TRIP12: variants seen among roughly 807,000 people sequenced by gnomAD.
The protein encoded by TRIP12 is E3 ubiquitin-protein ligase TRIP12.
In TRIP12, 25 loss-of-function variants were observed where a neutral mutation model predicts 244.2. The observed-to-expected ratio is 0.10, with a 90% CI of 0.07 to 0.14. The LOEUF (loss-of-function observed/expected upper bound fraction) is 0.14. Among genes scored for constraint, TRIP12 ranks in the 10% least tolerant of loss-of-function variants. The pLI is 1.00. For missense variants in TRIP12, 1,677 were observed against 2,486.4 expected (o/e 0.67, Z 6.92); for synonymous variants, 905 against 873.1 (o/e 1.04, Z -0.64).
chr2:229,814,034 A>G lies in TRIP12; in HGVS notation c.1825-3T>C, dbSNP rs1196229634. On this transcript the variant is annotated splice_region_variant and splice_polypyrimidine_tract_variant and intron_variant, in intron 12 of 41. Coordinates refer to ENST00000675903, the MANE Select transcript of TRIP12 (RefSeq NM_001348323.3). ...AGCAAGCAGTCTGCCAAACCACCCTAAAATATAGAAAACTGTTAAGGTAAA... is the reference window on the plus strand; with the variant it reads ...AGCAAGCAGTCTGCCAAACCACCCTGAAATATAGAAAACTGTTAAGGTAAA... The G allele has an allele frequency of 6.4e-7, 1 of 1,568,470 alleles. No homozygotes were observed. Among genetic ancestry groups the G allele is most frequent in the Non-Finnish European group, 8.7e-7 (1 of 1,147,548 alleles).
intron 34 of TRIP12, 146 bp downstream of exon 34, chr2:229,785,611 G>GGA (rs1216246702): frequency 4.6e-6 from 3 of 655,790 alleles, no homozygotes; most frequent in Non-Finnish European, 7.0e-6. Flanking sequence ...TTTGAAAAAT[G>GGA]GAGAACTTAG....
chr2:229,803,826 C>T (rs1402096578), intron 19 of TRIP12, 137 bp from the exon 20 acceptor site: 2 of 861,552 alleles, frequency 2.3e-6, no homozygotes, highest in Non-Finnish European at 3.5e-6. Context: ...CTTAAATGCT[C>T]AAGTTTTATA....
intron 4 of TRIP12, 117 bp downstream of exon 4, chr2:229,858,655 C>T (rs1475106915): frequency 8.2e-6 from 7 of 851,564 alleles, no homozygotes; most frequent in African/African-American, 1.7e-5. Context: ...GACAGTAATA[C>T]ATCTAAGATT....
At chr2:229,916,686 T>C (rs879722257) in intron 1 of TRIP12, among the ~76,000 whole-genome samples, 12 of 152,080 alleles carry the variant, frequency 7.9e-5, no homozygotes, top group Non-Finnish European at 1.5e-4. Flanking sequence ...ATGAAATCAC[T>C]GAAATCACAA....
At chr2:229,911,742 G>A (rs1000977683) in intron 1 of TRIP12, among the ~76,000 whole-genome samples, 2 of 151,830 alleles carry the variant, frequency 1.3e-5, no homozygotes, top group Non-Finnish European at 2.9e-5. Flanking sequence ...ACAATTAAAG[G>A]GGTAACAACT....
At chr2:229,917,273 C>T (rs1001351167) in intron 1 of TRIP12, among the ~76,000 whole-genome samples, 2 of 150,588 alleles carry the variant, frequency 1.3e-5, no homozygotes, top group Admixed American at 6.6e-5. Context: ...CCCAGCTACT[C>T]GGGAGGCTGA....
chr2:229,870,390 T>C (rs1181383410), intron 2 of TRIP12, among the ~76,000 whole-genome samples: 1 of 152,100 alleles, frequency 6.6e-6, no homozygotes, highest in Non-Finnish European at 1.5e-5. Context: ...GGACATGACA[T>C]GGTAGCAAGA....
chr2:229,859,420 A>G lies in TRIP12; in HGVS notation c.379T>C (p.Ser127Pro), dbSNP rs1413264148. 1.2e-6 allele frequency: 2 copies of G among 1,614,000 alleles called. No individual in the cohort carries two copies. The highest frequency in any genetic ancestry group is 1.7e-6 in the Non-Finnish European group (2 of 1,179,994). ...TTTGGTTTTTTTGCAGAGCTAGGAGAATTGGTCCTGTTGTAGTCTGGACTA... is the reference window on the plus strand; with the variant it reads ...TTTGGTTTTTTTGCAGAGCTAGGAGGATTGGTCCTGTTGTAGTCTGGACTA... ...SASPDYNRTN[S>P]PSSAKKPKAL... The change falls in exon 4 of 42, where the codon TCT (serine) becomes CCT (proline). Residue 127 changes from serine (S) to proline (P), a missense_variant. By Grantham distance (74) the Ser-to-Pro change is moderately conservative. Coordinates refer to ENST00000675903, the MANE Select transcript of TRIP12 (RefSeq NM_001348323.3).
At chr2:229,879,238 G>A (rs2064314175) in intron 2 of TRIP12, among the ~76,000 whole-genome samples, 1 of 152,118 alleles carries the variant, frequency 6.6e-6, no homozygotes, top group African/African-American at 2.4e-5. Context: ...GTAACAGAGC[G>A]ATGAGACTCT....
At chr2:229,810,588 T>A (rs2047023256) in intron 15 of TRIP12, among the ~76,000 whole-genome samples, 1 of 152,158 alleles carries the variant, frequency 6.6e-6, no homozygotes, top group South Asian at 2.1e-4. Context: ...AAACTCAGAA[T>A]TCTCCTAATC....
chr2:229,918,162 G>T (rs1320917043), intron 1 of TRIP12, among the ~76,000 whole-genome samples: 1 of 152,192 alleles, frequency 6.6e-6, no homozygotes, highest in African/African-American at 2.4e-5. Flanking sequence ...TCGAGGAAGT[G>T]ATCTGAAGAC....
chr2:229,860,325 A>G (rs1174294006), intron 3 of TRIP12, 81 bp downstream of exon 3: 1 of 1,493,376 alleles, frequency 6.7e-7, no homozygotes, highest in African/African-American at 1.4e-5. Context: ...GTTTTGGAAT[A>G]ACCTCAAGTT....
chr2:229,805,749 C>T lies in TRIP12; in HGVS notation c.2631G>A (p.Pro877=), dbSNP rs111231612. 2.8e-4 allele frequency: 446 copies of T among 1,597,692 alleles called. 2 individuals carry two copies. In the African/African-American group the frequency reaches 4.2e-3, roughly 15 times the overall value. The change falls in exon 18 of 42, where the codon CCG becomes CCA. Residue 877 remains proline, a synonymous_variant. Coordinates refer to ENST00000675903, the MANE Select transcript of TRIP12 (RefSeq NM_001348323.3). ...ACTTACTAGTGTTACTATTGGCTAA[C>T]GGGTTAGGTTTTCTCTGAATGGCAC... ...TARAIQRKPN[P]LANSNTSGYS...
intron 8 of TRIP12, among the ~76,000 whole-genome samples, chr2:229,826,842 C>A (rs1220103577): frequency 1.3e-5 from 2 of 152,072 alleles, no homozygotes; most frequent in Non-Finnish European, 2.9e-5. Context: ...GGGCACTTAC[C>A]ATGAATGGAG....
At chr2:229,877,309 G>A (rs1207250874) in intron 2 of TRIP12, among the ~76,000 whole-genome samples, 1 of 152,036 alleles carries the variant, frequency 6.6e-6, no homozygotes, top group African/African-American at 2.4e-5. Flanking sequence ...GGAGGCCAAG[G>A]CGGTTGGATC....
intron 26 of TRIP12, 21 bp downstream of exon 26, chr2:229,795,158 T>TA: frequency 6.2e-7 from 1 of 1,610,584 alleles, no homozygotes; most frequent in Non-Finnish European, 8.5e-7. Context: ...GGCAAGGGTA[T>TA]AGCCAGGCAA....
chr2:229,775,458 T>C (rs2035932124), intron 37 of TRIP12, among the ~76,000 whole-genome samples: 1 of 151,440 alleles, frequency 6.6e-6, no homozygotes, highest in African/African-American at 2.4e-5. Context: ...AACTATCCTC[T>C]GTGACTCCCT....
chr2:229,778,532 G>A lies in TRIP12; in HGVS notation c.5265C>T (p.Pro1755=). Residue 1755 remains proline, a synonymous_variant, in exon 36 of 42, where the codon CCC becomes CCT. Coordinates refer to ENST00000675903, the MANE Select transcript of TRIP12 (RefSeq NM_001348323.3). The surrounding 1 kb of genome is among the most constrained non-coding windows in gnomAD (Gnocchi z 4.1). ...IQNLQGLFAL[P]FGRTAKPAHI... Reference sequence around the variant, plus strand: ...GAGCTGGCTTTGCTGTCCTACCAAAGGGAAGCGCAAACAGGCCCTGGAGGT... The same window carrying A: ...GAGCTGGCTTTGCTGTCCTACCAAAAGGAAGCGCAAACAGGCCCTGGAGGT... 6.2e-7 allele frequency: 1 copy of A among 1,614,014 alleles called. No individual in the cohort carries two copies. Among genetic ancestry groups the A allele is most frequent in the Non-Finnish European group, 8.5e-7 (1 of 1,179,924 alleles).
intron 2 of TRIP12, among the ~76,000 whole-genome samples, chr2:229,874,702 T>C (rs1252891147): frequency 2.6e-5 from 4 of 152,154 alleles, no homozygotes; most frequent in Non-Finnish European, 4.4e-5. Context: ...GCTACACGTA[T>C]AGAAAAGACT....
Sources: allele counts gnomAD v4.1 joint callset (sites outside exome capture counted in the v4.1 genomes callset), GRCh38; gene constraint gnomAD v4.1.1; non-coding constraint Gnocchi (gnomAD v3.1); transcripts MANE v1.5; gene names NCBI Gene and HGNC (gene_info 2026-07-23, HGNC 2026-07-21).